The following LRRC63 variants were observed in gnomAD, a reference collection of about 807,000 sequenced individuals.
LRRC63 encodes leucine-rich repeat-containing protein 63.
LRRC63 carries 40 observed loss-of-function variants against 49.5 expected under a neutral mutation model. The observed-to-expected ratio is 0.81, with a 90% CI of 0.63 to 1.05. The LOEUF (loss-of-function observed/expected upper bound fraction) is 1.05, where lower values mean the gene tolerates loss of function less well. LRRC63 is among the 50% of genes least tolerant of loss of function. The probability of loss-of-function intolerance (pLI) is 0.00; values close to 1 mark genes in which losing one functional copy is unlikely to be tolerated. For synonymous variants in LRRC63, 191 were observed against 221.1 expected (o/e 0.86, Z 1.21); for missense variants, 636 against 663.1 (o/e 0.96, Z 0.45).
intron 6 of LRRC63, among the ~76,000 whole-genome samples, chr13:46,248,473 G>A (rs2047280749): frequency 6.6e-6 from 1 of 151,706 alleles, no homozygotes; most frequent in South Asian, 2.1e-4. Flanking sequence ...CATGCAAACA[G>A]CAACAATAGA....
At chr13:46,276,394 G>C (rs180699365) in intron 9 of LRRC63, among the ~76,000 whole-genome samples, 196 bp from the exon 10 acceptor site, 1 of 152,002 alleles carries the variant, frequency 6.6e-6, no homozygotes, top group African/African-American at 2.4e-5. Context: ...TAAAAAGCTA[G>C]GATTGTATTA....
At chr13:46,270,770 C>T in intron 9 of LRRC63, 1 of 479,024 alleles carries the variant, frequency 2.1e-6, no homozygotes, top group Non-Finnish European at 3.8e-6. Context: ...TTCGTTTCCC[C>T]TCTCTGGCTT....
intron 2 of LRRC63, among the ~76,000 whole-genome samples, chr13:46,219,729 T>C (rs1395707351): frequency 6.6e-6 from 1 of 152,236 alleles, no homozygotes; most frequent in Non-Finnish European, 1.5e-5. Flanking sequence ...TTTCCTCATC[T>C]TCGTGGATTT....
Position 46,266,828 on chromosome 13 carries a change from AT to A in LRRC63, c.1409del (p.Phe470SerfsTer12). ...CTGACAAAAATTCAGTTTGAGAATAATTTCACTCATCCTTGTTTTTGGAGAG... is the reference window on the plus strand; with the variant it reads ...CTGACAAAAATTCAGTTTGAGAATAATTCACTCATCCTTGTTTTTGGAGAG... On this transcript the variant is annotated frameshift_variant, in exon 9 of 10. Coordinates refer to ENST00000595396, the Ensembl canonical transcript of LRRC63. LOFTEE classifies it high-confidence loss of function. 6.5e-7 allele frequency: 1 copy of A among 1,550,108 alleles called. No homozygotes were observed. The highest frequency in any genetic ancestry group is 8.7e-7 in the Non-Finnish European group (1 of 1,146,804).
At chr13:46,246,473 C>T in intron 5 of LRRC63, 54 bp from the exon 6 acceptor site, 1 of 819,550 alleles carries the variant, frequency 1.2e-6, no homozygotes, top group Non-Finnish European at 1.7e-6. Flanking sequence ...CTTGTATAAA[C>T]TATTTTGTGC....
At chr13:46,251,754 T>C (rs1419134016) in intron 7 of LRRC63, among the ~76,000 whole-genome samples, 1 of 151,890 alleles carries the variant, frequency 6.6e-6, no homozygotes, top group African/African-American at 2.4e-5. Context: ...TAAATATATA[T>C]GTATATATAC....
intron 2 of LRRC63, among the ~76,000 whole-genome samples, chr13:46,226,609 T>C (rs893463257): frequency 1.3e-5 from 2 of 152,182 alleles, no homozygotes; most frequent in Non-Finnish European, 2.9e-5. Context: ...CTCACTTGGT[T>C]TGAGATAGGG....
chr13:46,246,546 G>T, exon 6 of LRRC63: 4 of 1,455,880 alleles, frequency 2.7e-6, no homozygotes, highest in East Asian at 2.7e-5. Flanking sequence ...ATCCTAAATT[G>T]TCCAGACTTA....
At chr13:46,226,238 C>T (rs929398038) in intron 2 of LRRC63, among the ~76,000 whole-genome samples, 1 of 152,170 alleles carries the variant, frequency 6.6e-6, no homozygotes, top group African/African-American at 2.4e-5. Flanking sequence ...GCTATCTCAG[C>T]ATCCCAAAGT....
At chr13:46,258,229 G>A (rs746832565) in intron 7 of LRRC63, among the ~76,000 whole-genome samples, 11 of 148,094 alleles carry the variant, frequency 7.4e-5, no homozygotes, top group Admixed American at 2.0e-4. Context: ...TCCTAGGTTC[G>A]AGCAATTCTC....
chr13:46,229,074 T>C (rs1350967218), intron 4 of LRRC63, among the ~76,000 whole-genome samples: 2 of 152,180 alleles, frequency 1.3e-5, no homozygotes, highest in Non-Finnish European at 2.9e-5. Context: ...TATACCATCC[T>C]AGATGTTACA....
intron 2 of LRRC63, among the ~76,000 whole-genome samples, chr13:46,218,505 G>C (rs1440281090): frequency 6.6e-6 from 1 of 152,034 alleles, no homozygotes; most frequent in Non-Finnish European, 1.5e-5. Flanking sequence ...CTTTGCACGT[G>C]AGATGGGTCT....
intron 5 of LRRC63, among the ~76,000 whole-genome samples, chr13:46,239,864 T>C (rs867593039): frequency 6.6e-6 from 1 of 152,206 alleles, no homozygotes; most frequent in Non-Finnish European, 1.5e-5. Context: ...AATCAATAAA[T>C]GTGATTCATC....
intron 4 of LRRC63, among the ~76,000 whole-genome samples, chr13:46,231,258 C>G (rs1297879502): frequency 6.6e-6 from 1 of 152,078 alleles, no homozygotes; most frequent in African/African-American, 2.4e-5. Context: ...TCCTCAGTAC[C>G]AATTTTATGT....
At position 46,250,725 on chromosome 13, in the gene LRRC63, G is replaced by A. The variant is rs73188819; in HGVS notation, c.1226+234G>A. Among the ~76,000 whole-genome samples, 601 of 151,966 alleles carry A rather than the reference G, an allele frequency of 4.0e-3. 3 individuals are homozygous for A. Among genetic ancestry groups the A allele is most frequent in the Middle Eastern group, 0.01 (3 of 294 alleles). ...ATTTAGAAACACGTTATCTGAGTAC[G>A]GGTTAAATTAACAGGAATTATCTAA... On this transcript the variant is annotated intron_variant, in intron 7 of 9. Coordinates refer to ENST00000595396, the Ensembl canonical transcript of LRRC63.
At chr13:46,242,832 G>T (rs1396605083) in intron 5 of LRRC63, among the ~76,000 whole-genome samples, 2 of 150,846 alleles carry the variant, frequency 1.3e-5, no homozygotes, top group Non-Finnish European at 2.9e-5. Flanking sequence ...AAACACAAAG[G>T]AGAGATAAAG....
Position 46,227,490 on chromosome 13 carries a change from TTC to T in LRRC63, c.86-20_86-19del. ...CATATTGATAAATATAATTTAATTT[TTC>T]TTTTTTTCTTTTGGTTTAGCTAAAA... On this transcript the variant is annotated intron_variant, in intron 2 of 9. Coordinates refer to ENST00000595396, the Ensembl canonical transcript of LRRC63. The T allele has an allele frequency of 7.2e-7, 1 of 1,382,116 alleles. No homozygotes were observed. Among genetic ancestry groups the T allele is most frequent in the Non-Finnish European group, 9.6e-7 (1 of 1,042,580 alleles). The allele number at this position is 1,382,116 out of a possible 1,614,324, so 85.6% of individuals were successfully genotyped here.
At chr13:46,253,322 A>C (rs1199034632) in intron 7 of LRRC63, among the ~76,000 whole-genome samples, 1 of 152,066 alleles carries the variant, frequency 6.6e-6, no homozygotes, top group Non-Finnish European at 1.5e-5. Flanking sequence ...CTCTGTCCTA[A>C]GCATTGGGTT....
intron 7 of LRRC63, among the ~76,000 whole-genome samples, chr13:46,253,692 G>A (rs1403379828): frequency 6.6e-6 from 1 of 152,084 alleles, no homozygotes; most frequent in Non-Finnish European, 1.5e-5. Context: ...TTTAGGAGTT[G>A]GATAGGGACT....
Sources: gnomAD v4.1 joint callset for allele counts (sites outside exome capture counted in the v4.1 genomes callset) on GRCh38, gnomAD v4.1.1 for gene constraint, MANE v1.5 for transcripts, NCBI Gene and HGNC (gene_info 2026-07-23, HGNC 2026-07-21) for gene names.